ATP6V1G1: variants seen among roughly 807,000 people sequenced by gnomAD.
ATP6V1G1 encodes ATPase H+ transporting V1 subunit G1.
Under a neutral mutation model 14.2 loss-of-function variants are expected in ATP6V1G1, and 14 were observed. That is an observed-to-expected ratio of 0.99 (90% CI 0.65 to 1.55). The LOEUF (loss-of-function observed/expected upper bound fraction) is 1.55, where lower values mean the gene tolerates loss of function less well. Ranked by LOEUF, ATP6V1G1 falls within the 40% of genes most tolerant of loss-of-function variation. The probability of loss-of-function intolerance (pLI) is 0.00; values close to 1 mark genes in which losing one functional copy is unlikely to be tolerated. For missense variants in ATP6V1G1, 137 were observed against 146.4 expected, an observed-to-expected ratio of 0.94 and a Z score of 0.33; for synonymous variants, 65 against 53.3, an observed-to-expected ratio of 1.22 and a Z score of -0.96.
At chr9:114,589,345 T>C (rs1439223940) in intron 1 of ATP6V1G1, among the ~76,000 whole-genome samples, 2 of 152,216 alleles carry the variant, frequency 1.3e-5, no homozygotes, top group African/African-American at 4.8e-5. Flanking sequence ...ATTTTACAGA[T>C]AGTAAAAATG....
At chr9:114,588,088 G>C in intron 1 of ATP6V1G1, 168 bp downstream of exon 1, 1 of 738,396 alleles carries the variant, frequency 1.4e-6, no homozygotes, top group South Asian at 1.9e-5. Context: ...TGGAAGGCTT[G>C]CGGATCGCCT....
At chr9:114,589,444 T>C (rs935131935) in intron 1 of ATP6V1G1, among the ~76,000 whole-genome samples, 1 of 152,204 alleles carries the variant, frequency 6.6e-6, no homozygotes, top group Non-Finnish European at 1.5e-5. Context: ...GCGAAGATAC[T>C]GATCTTAGTA....
chr9:114,593,697 C>T (rs1466559405), intron 2 of ATP6V1G1, among the ~76,000 whole-genome samples: 1 of 151,894 alleles, frequency 6.6e-6, no homozygotes, highest in African/African-American at 2.4e-5. Context: ...TAGGGTCTTG[C>T]TGTGTTGCCT....
chr9:114,596,344 C>T (rs1473032094), intron 2 of ATP6V1G1, among the ~76,000 whole-genome samples: 1 of 148,828 alleles, frequency 6.7e-6, no homozygotes, highest in Non-Finnish European at 1.5e-5. Flanking sequence ...ACGGAGATCG[C>T]GCCACTGCAC....
chr9:114,594,686 C>T (rs1170853037), intron 2 of ATP6V1G1, among the ~76,000 whole-genome samples: 14 of 151,450 alleles, frequency 9.2e-5, no homozygotes, highest in Non-Finnish European at 2.1e-4. Context: ...CCTGGCCCAT[C>T]TTCATATTTT....
intron 2 of ATP6V1G1, among the ~76,000 whole-genome samples, chr9:114,595,760 A>G (rs1198295414): frequency 6.6e-6 from 1 of 152,156 alleles, no homozygotes; most frequent in Non-Finnish European, 1.5e-5. Context: ...CCTGGGCAAC[A>G]TAGTGAGATC....
chr9:114,592,431 C>T, intron 1 of ATP6V1G1, 121 bp from the exon 2 acceptor site: 1 of 957,800 alleles, frequency 1.0e-6, no homozygotes, highest in Non-Finnish European at 1.5e-6. Context: ...CTTTCCCATG[C>T]ACATCTCTTC....
At chr9:114,588,109 A>T (rs1185912614) in intron 1 of ATP6V1G1, 189 bp downstream of exon 1, 4 of 635,080 alleles carry the variant, frequency 6.3e-6, no homozygotes, top group Non-Finnish European at 1.1e-5. Flanking sequence ...GGAAGCCACG[A>T]TGTGAGATGG....
At chr9:114,596,384 A>G (rs373082626) in intron 2 of ATP6V1G1, among the ~76,000 whole-genome samples, 3 of 141,882 alleles carry the variant, frequency 2.1e-5, no homozygotes, top group African/African-American at 7.9e-5. Context: ...CGAGACTCCA[A>G]CTCAAAAAAA....
At position 114,587,887 on chromosome 9, in the gene ATP6V1G1, CG is replaced by C. The variant is rs1418127642; in HGVS notation, c.52del (p.Ala18GlnfsTer16). ...TCAGCAGCTGCTGCAGGCCGAGAAG[CG>C]GGCAGCCGAGAAGGTGTCCGAGGCC... ...GIQQLLQAEKRAAEKVSEARK... is the reference protein window; with the variant it reads ...GIQQLLQAEKXAAEKVSEARK... On this transcript the variant is annotated frameshift_variant, in exon 1 of 3. Transcript: ENST00000374050. LOFTEE classifies it high-confidence loss of function. 6.3e-7 allele frequency: 1 copy of C among 1,590,576 alleles called. No homozygotes were observed. Among genetic ancestry groups the C allele is most frequent in the Admixed American group, 1.8e-5 (1 of 55,762 alleles).
At chr9:114,591,016 G>A (rs1219802530) in intron 1 of ATP6V1G1, among the ~76,000 whole-genome samples, 2 of 151,706 alleles carry the variant, frequency 1.3e-5, no homozygotes, top group African/African-American at 4.8e-5. Flanking sequence ...GGTTGGTCTC[G>A]AACTCCTGAC....
intron 2 of ATP6V1G1, among the ~76,000 whole-genome samples, chr9:114,596,577 T>TGAACTTAAG (rs1845240899): frequency 6.6e-6 from 1 of 152,176 alleles, no homozygotes; most frequent in Non-Finnish European, 1.5e-5. Context: ...ACTAAAACAC[T>TGAACTTAAG]AACCAATAAT....
At chr9:114,594,188 A>G (rs1425448897) in intron 2 of ATP6V1G1, among the ~76,000 whole-genome samples, 2 of 150,374 alleles carry the variant, frequency 1.3e-5, no homozygotes, top group Non-Finnish European at 3.0e-5. Flanking sequence ...TTCCACCTCA[A>G]CCTCCCGAGT....
At chr9:114,589,980 C>G (rs1845166436) in intron 1 of ATP6V1G1, among the ~76,000 whole-genome samples, 1 of 151,568 alleles carries the variant, frequency 6.6e-6, no homozygotes, top group East Asian at 2.0e-4. Flanking sequence ...GGTGGATCAC[C>G]TGAGATCAAG....
chr9:114,587,798 T>C lies in ATP6V1G1; in HGVS notation c.-41T>C, dbSNP rs1167691190. The C allele has an allele frequency of 1.3e-6, 2 of 1,551,108 alleles. No individual in the cohort carries two copies. Among genetic ancestry groups the C allele is most frequent in the Admixed American group, 3.9e-5 (2 of 50,888 alleles). On this transcript the variant is annotated 5_prime_UTR_variant, in exon 1 of 3. Coordinates refer to ENST00000374050, the MANE Select transcript of ATP6V1G1 (RefSeq NM_004888.4). ...CAGCTGACCCAAGGGGCCTTCGAGG[T>C]GCCTTAGGCCGCTTGCCTTGCTCTC...
chr9:114,593,571 C>T (rs777199914), intron 2 of ATP6V1G1, among the ~76,000 whole-genome samples: 1 of 152,198 alleles, frequency 6.6e-6, no homozygotes, highest in Non-Finnish European at 1.5e-5. Context: ...TCATAGCTCA[C>T]GGTGACCTGG....
At chr9:114,589,474 A>G (rs1845161912) in intron 1 of ATP6V1G1, among the ~76,000 whole-genome samples, 1 of 152,096 alleles carries the variant, frequency 6.6e-6, no homozygotes. Context: ...TGTTTCTCCT[A>G]GTATAGGAGT....
chr9:114,595,017 G>A (rs1417931173), intron 2 of ATP6V1G1, among the ~76,000 whole-genome samples: 11 of 150,162 alleles, frequency 7.3e-5, no homozygotes, highest in Admixed American at 2.0e-4. Context: ...CCACCACCAC[G>A]CCTGGCAGTT....
chr9:114,592,526 G>C (rs1564274288), intron 1 of ATP6V1G1, 26 bp from the exon 2 acceptor site: 1 of 1,547,320 alleles, frequency 6.5e-7, no homozygotes, highest in East Asian at 2.4e-5. Flanking sequence ...ACCACTTCCT[G>C]ATATAGCTCT....
Sources: allele counts gnomAD v4.1 joint callset (sites outside exome capture counted in the v4.1 genomes callset), GRCh38; gene constraint gnomAD v4.1.1; transcripts MANE v1.5; gene names NCBI Gene and HGNC (gene_info 2026-07-23, HGNC 2026-07-21).